Variants in BARD1 observed in about 807,000 individuals in gnomAD.
BARD1 encodes the protein BRCA1-associated RING domain protein 1.
A neutral mutation model predicts 77.0 loss-of-function variants in BARD1; 73 were observed. That is an observed-to-expected ratio of 0.95 (90% confidence interval 0.79 to 1.15). The LOEUF (loss-of-function observed/expected upper bound fraction) is 1.15. BARD1 is among the 50% of genes most tolerant of loss of function. The pLI is 0.00. For missense variants in BARD1, 993 were observed against 938.8 expected (o/e 1.06, Z -0.75); for synonymous variants, 384 against 338.0 (o/e 1.14, Z -1.49).
At chr2:214,760,558 C>T (rs141045724) in intron 6 of BARD1, among the ~76,000 whole-genome samples, 1 of 152,264 alleles carries the variant, frequency 6.6e-6, no homozygotes, top group Non-Finnish European at 1.5e-5. Flanking sequence ...CCCTCTTATA[C>T]AAGCCTTCCT....
intron 9 of BARD1, among the ~76,000 whole-genome samples, chr2:214,738,120 T>C (rs1692647230): frequency 6.6e-6 from 1 of 152,176 alleles, no homozygotes; most frequent in African/African-American, 2.4e-5. Flanking sequence ...ATAAAATGTA[T>C]GCTTTATTTC....
intron 3 of BARD1, among the ~76,000 whole-genome samples, chr2:214,790,277 A>G (rs1223727460): frequency 6.6e-6 from 1 of 152,098 alleles, no homozygotes; most frequent in Non-Finnish European, 1.5e-5. Context: ...ACCAAAATTC[A>G]CATGTTGAGG....
intron 3 of BARD1, among the ~76,000 whole-genome samples, chr2:214,782,333 T>G (rs558764416): frequency 1.1e-4 from 16 of 152,250 alleles, no homozygotes; most frequent in African/African-American, 3.6e-4. Context: ...TAAGTCAGAA[T>G]AGTAGTTGGT....
intron 1 of BARD1, among the ~76,000 whole-genome samples, chr2:214,802,911 G>T (rs1250899140): frequency 6.6e-6 from 1 of 152,172 alleles, no homozygotes; most frequent in Non-Finnish European, 1.5e-5. Flanking sequence ...AAGCAAGAGA[G>T]ATCAGATTGT....
rs756803590 is a variant in BARD1, at chr2:214,781,187, A to G, written c.687T>C (p.Phe229=). The change falls in exon 4 of 11, where the codon TTT becomes TTC. Residue 229 remains phenylalanine, a synonymous_variant. Transcript: ENST00000260947. The part of the protein sequence containing the change: ...NLEAEKEDGE[F]DSKEESKQKL... ...TTTGCTTAGATTCCTCTTTGGAGTC[A>G]AATTCACCATCTTCTTTTTCTGCCT... is the stretch of plus-strand genomic sequence containing the variant. The G allele has an allele frequency of 1.1e-5, 17 of 1,587,838 alleles. No individual in the cohort carries two copies. The African/African-American group carries it at 2.2e-4, about 20-fold the overall frequency.
intron 3 of BARD1, among the ~76,000 whole-genome samples, chr2:214,786,139 A>C (rs1253667178): frequency 6.6e-6 from 1 of 151,970 alleles, no homozygotes; most frequent in Non-Finnish European, 1.5e-5. Context: ...TAAGGGATAT[A>C]ACATCTACCA....
At chr2:214,797,986 AC>A (rs1695835060) in intron 1 of BARD1, among the ~76,000 whole-genome samples, 1 of 152,154 alleles carries the variant, frequency 6.6e-6, no homozygotes, top group Admixed American at 6.5e-5. Flanking sequence ...GATGTAATGT[AC>A]CCAGAGAAGT....
intron 3 of BARD1, among the ~76,000 whole-genome samples, chr2:214,788,679 C>T (rs1015891566): frequency 2.0e-5 from 3 of 152,006 alleles, no homozygotes; most frequent in African/African-American, 7.2e-5. Flanking sequence ...GACCATTTAA[C>T]AGAATCATAC....
intron 9 of BARD1, among the ~76,000 whole-genome samples, chr2:214,731,965 G>C (rs1156692191): frequency 6.6e-6 from 1 of 152,202 alleles, no homozygotes; most frequent in Non-Finnish European, 1.5e-5. Context: ...TATAGCACCT[G>C]TAAGAGTTCA....
At chr2:214,753,745 T>A (rs1259318174) in intron 6 of BARD1, among the ~76,000 whole-genome samples, 1 of 151,884 alleles carries the variant, frequency 6.6e-6, no homozygotes, top group Non-Finnish European at 1.5e-5. Context: ...GATGGCAGAG[T>A]GGGAAAAGAA....
At chr2:214,797,953 A>G (rs749138613) in intron 1 of BARD1, among the ~76,000 whole-genome samples, 2 of 152,110 alleles carry the variant, frequency 1.3e-5, no homozygotes, top group Non-Finnish European at 2.9e-5. Context: ...TAATAAATAC[A>G]CACCAAGACA....
At chr2:214,764,556 G>A (rs1214739489) in intron 6 of BARD1, among the ~76,000 whole-genome samples, 1 of 152,178 alleles carries the variant, frequency 6.6e-6, no homozygotes, top group East Asian at 1.9e-4. Flanking sequence ...GAAGGAAAGG[G>A]GGAAAGGAGA....
chr2:214,738,980 A>G (rs1243010201), intron 9 of BARD1, among the ~76,000 whole-genome samples: 1 of 151,994 alleles, frequency 6.6e-6, no homozygotes, highest in Non-Finnish European at 1.5e-5. Context: ...TCTCTGCCTC[A>G]ACTAAAAAGA....
chr2:214,781,831 C>A (rs918223347), intron 3 of BARD1, among the ~76,000 whole-genome samples: 1 of 152,032 alleles, frequency 6.6e-6, no homozygotes, highest in Non-Finnish European at 1.5e-5. Context: ...CTAAGAATTA[C>A]AAAATACTTA....
chr2:214,799,941 C>T lies in BARD1; in HGVS notation c.159-2824G>A, dbSNP rs376934785. Among the ~76,000 whole-genome samples the T allele has an allele frequency of 9.5e-4, 145 of 152,314 alleles. 4 individuals are homozygous for T. In the East Asian group the frequency reaches 0.02, roughly 21 times the overall value. On this transcript the variant is annotated intron_variant, in intron 1 of 10. Transcript: ENST00000260947. ...ACTGACCTCATCTTCTTTCCTGAAA[C>T]CTTTCCTTCCACCGCATTTTAATAT...
In BARD1 at chr2:214,728,822, G is replaced by C. The variant is rs1559372004; in HGVS notation, c.2188C>G (p.Gln730Glu). 6.2e-7 allele frequency: 1 copy of C among 1,614,232 alleles called. No individual in the cohort carries two copies. Among genetic ancestry groups the C allele is most frequent in the South Asian group, 1.1e-5 (1 of 91,086 alleles). The part of the protein sequence containing the change: ...VAYHARPDSD[Q>E]RFCTQYIIYE... ...ATGATATACTGTGTGCAGAAGCGCT[G>C]ATCAGAATCGGGTCTCGCATGGTAT... The change falls in exon 11 of 11, where the codon CAG becomes GAG. Residue 730 changes from glutamine (Q) to glutamate (E), a missense_variant. By Grantham distance (29) the Gln-to-Glu change is conservative (BLOSUM62 2). Coordinates refer to ENST00000260947, the MANE Select transcript of BARD1 (RefSeq NM_000465.4).
At chr2:214,754,193 T>C (rs1366976644) in intron 6 of BARD1, among the ~76,000 whole-genome samples, 1 of 151,914 alleles carries the variant, frequency 6.6e-6, no homozygotes, top group Non-Finnish European at 1.5e-5. Context: ...GTTCTAGGTC[T>C]TAAACCACCA....
chr2:214,730,176 G>A lies in BARD1; in HGVS notation c.2001+235C>T, dbSNP rs1692286813. 7.5e-6 allele frequency: 4 copies of A among 530,106 alleles called. No homozygotes were observed. In the Admixed American group the frequency reaches 9.6e-5, roughly 13 times the overall value. The allele number at this position is 530,106 out of a possible 1,614,324, so 32.8% of individuals were successfully genotyped here. ...GTATCTGAGATTTACCTCAGATTCT[G>A]AAAGGTTTATGGCAATGTTCAAGAT... On this transcript the variant is annotated intron_variant, in intron 10 of 10. Transcript: ENST00000260947.
chr2:214,730,116 G>A (rs1692284515), intron 10 of BARD1: 1 of 424,194 alleles, frequency 2.4e-6, no homozygotes, highest in East Asian at 5.0e-5. Flanking sequence ...CTAAATCCAA[G>A]CAGCAGCTGT....
Sources: gnomAD v4.1 joint callset for allele counts (sites outside exome capture counted in the v4.1 genomes callset) on GRCh38, gnomAD v4.1.1 for gene constraint, MANE v1.5 for transcripts, NCBI Gene and HGNC (gene_info 2026-07-23, HGNC 2026-07-21) for gene names.